Variants in GAS2 observed in about 807,000 individuals in gnomAD.
GAS2 encodes growth arrest-specific protein 2.
Under a neutral mutation model 37.5 loss-of-function variants are expected in GAS2, and 20 were observed. The ratio of observed to expected loss-of-function variants is 0.53; its 90% confidence interval spans 0.37 to 0.77. The LOEUF (loss-of-function observed/expected upper bound fraction) is 0.77, where lower values mean the gene tolerates loss of function less well. Among genes scored for constraint, GAS2 ranks in the 30% least tolerant of loss-of-function variants. The pLI is 0.00. For missense variants in GAS2, 336 were observed against 373.4 expected, an observed-to-expected ratio of 0.90 and a Z score of 0.82; for synonymous variants, 144 against 132.2, an observed-to-expected ratio of 1.09 and a Z score of -0.61.
At chr11:22,779,811 T>G (rs1309121806) in intron 7 of GAS2, among the ~76,000 whole-genome samples, 1 of 152,142 alleles carries the variant, frequency 6.6e-6, no homozygotes, top group East Asian at 1.9e-4. Flanking sequence ...TCATTTTAAT[T>G]TTTTTTAGTG....
intron 3 of GAS2, among the ~76,000 whole-genome samples, chr11:22,707,103 G>C (rs759607900): frequency 1.3e-5 from 2 of 152,188 alleles, no homozygotes; most frequent in Admixed American, 6.6e-5. Flanking sequence ...ATTGAGACCA[G>C]GTGGACTTGG....
chr11:22,809,956 C>G (rs1411041389), intron 7 of GAS2, among the ~76,000 whole-genome samples: 1 of 152,024 alleles, frequency 6.6e-6, no homozygotes, highest in Non-Finnish European at 1.5e-5. Flanking sequence ...TGAGTATGTT[C>G]TGATGCTAAA....
At chr11:22,727,494 G>A (rs1852272118) in intron 4 of GAS2, among the ~76,000 whole-genome samples, 1 of 151,978 alleles carries the variant, frequency 6.6e-6, no homozygotes, top group Non-Finnish European at 1.5e-5. Context: ...TGTGCTTAAG[G>A]AAATCTGTAT....
chr11:22,790,211 T>A (rs1190037604), intron 7 of GAS2, among the ~76,000 whole-genome samples: 1 of 152,138 alleles, frequency 6.6e-6, no homozygotes, highest in South Asian at 2.1e-4. Context: ...GAGAGAAGGA[T>A]TCTAACATCC....
chr11:22,782,524 A>G (rs983187079), intron 7 of GAS2, among the ~76,000 whole-genome samples: 5 of 152,004 alleles, frequency 3.3e-5, no homozygotes, highest in African/African-American at 1.2e-4. Context: ...TAGTAAGCAT[A>G]GTATCCAACA....
In GAS2 at chr11:22,801,832, G is replaced by A. The variant is rs557697232; in HGVS notation, c.724-9966G>A. Among the ~76,000 whole-genome samples the A allele has an allele frequency of 2.6e-5, 4 of 152,130 alleles. No homozygotes were observed. The South Asian group carries it at 8.3e-4, about 32-fold the overall frequency. On this transcript the variant is annotated intron_variant, in intron 7 of 7. Transcript: ENST00000454584. ...TCGTAGATTACTTGGCACATAGTAAGCACTCTACTATTGTATGACTCTATG... is the reference window on the plus strand; with the variant it reads ...TCGTAGATTACTTGGCACATAGTAAACACTCTACTATTGTATGACTCTATG...
chr11:22,738,112 C>T (rs571105070), intron 5 of GAS2, among the ~76,000 whole-genome samples: 1 of 152,056 alleles, frequency 6.6e-6, no homozygotes, highest in South Asian at 2.1e-4. Flanking sequence ...TTCTATCTTC[C>T]TCCTCCTTCA....
chr11:22,750,009 G>A (rs1290975450), intron 6 of GAS2, among the ~76,000 whole-genome samples: 1 of 152,030 alleles, frequency 6.6e-6, no homozygotes, highest in Non-Finnish European at 1.5e-5. Context: ...TATATTTTAA[G>A]TGCAAATATA....
intron 5 of GAS2, among the ~76,000 whole-genome samples, chr11:22,748,715 T>C (rs1317218219): frequency 6.6e-6 from 1 of 152,138 alleles, no homozygotes; most frequent in Non-Finnish European, 1.5e-5. Flanking sequence ...AACTTGAGTC[T>C]GACCCTCTGG....
At chr11:22,721,306 C>T (rs971757794) in intron 3 of GAS2, among the ~76,000 whole-genome samples, 2 of 151,994 alleles carry the variant, frequency 1.3e-5, no homozygotes, top group Non-Finnish European at 2.9e-5. Context: ...AAATAAGATC[C>T]GGTTCTCCAG....
At chr11:22,666,092 A>G (rs1848980374), upstream of GAS2, among the ~76,000 whole-genome samples, 1 of 152,250 alleles carries the variant, frequency 6.6e-6, no homozygotes, top group Non-Finnish European at 1.5e-5. Flanking sequence ...ACTTCATGGA[A>G]GACGTTTCAT....
At chr11:22,645,072 C>G (rs1471362936) in intron 1 of GAS2, among the ~76,000 whole-genome samples, 3 of 152,184 alleles carry the variant, frequency 2.0e-5, no homozygotes, top group Non-Finnish European at 4.4e-5. Flanking sequence ...ATGGTTGTAC[C>G]TGGATCCATT....
At chr11:22,654,283 A>T (rs1434620146) in intron 1 of GAS2, among the ~76,000 whole-genome samples, 1 of 152,206 alleles carries the variant, frequency 6.6e-6, no homozygotes, top group African/African-American at 2.4e-5. Context: ...GGTCATTATC[A>T]CTTAATGGTA....
intron 3 of GAS2, among the ~76,000 whole-genome samples, chr11:22,707,607 G>C (rs945162546): frequency 2.0e-5 from 3 of 152,132 alleles, no homozygotes; most frequent in African/African-American, 7.2e-5. Flanking sequence ...GTCAGCAGTG[G>C]AATTTAAATT....
Position 22,647,180 on chromosome 11 carries a change from G to T in GAS2, c.-21+21367G>T, listed in dbSNP as rs1428803778. The stretch of plus-strand genomic sequence containing the variant: ...GAGTGAGAATATGCAGTGTTTGGTT[G>T]TTTGTTCTTGCGATAGTTTACTGAG... On this transcript the variant is annotated intron_variant, in intron 1 of 5. Transcript: ENST00000528582. Among the ~76,000 whole-genome samples, 5 of 148,170 alleles carry T rather than the reference G, an allele frequency of 3.4e-5. No individual in the cohort carries two copies. The East Asian group carries it at 6.1e-4, about 18-fold the overall frequency.
At chr11:22,691,623 C>T (rs556670494) in intron 3 of GAS2, among the ~76,000 whole-genome samples, 2 of 151,882 alleles carry the variant, frequency 1.3e-5, no homozygotes, top group Non-Finnish European at 2.9e-5. Flanking sequence ...AAACATAATG[C>T]TAGAATTAAA....
intron 2 of GAS2, among the ~76,000 whole-genome samples, chr11:22,678,447 ATC>A (rs1174376707): frequency 1.3e-5 from 2 of 152,076 alleles, no homozygotes; most frequent in African/African-American, 4.8e-5. Context: ...CTTGCTTTTT[ATC>A]TACTTGAAAG....
At chr11:22,656,569 G>A (rs541505140) in intron 1 of GAS2, among the ~76,000 whole-genome samples, 1 of 152,268 alleles carries the variant, frequency 6.6e-6, no homozygotes, top group East Asian at 1.9e-4. Flanking sequence ...AAACTTAAAA[G>A]CATCTAGAAG....
intron 1 of GAS2, among the ~76,000 whole-genome samples, chr11:22,638,724 T>C (rs1459965078): frequency 6.6e-6 from 1 of 152,158 alleles, no homozygotes; most frequent in Non-Finnish European, 1.5e-5. Context: ...TATTCTGATG[T>C]TTTATTTTTA....
Sources: gnomAD v4.1 joint callset for allele counts (sites outside exome capture counted in the v4.1 genomes callset) on GRCh38, gnomAD v4.1.1 for gene constraint, MANE v1.5 for transcripts, NCBI Gene and HGNC (gene_info 2026-07-23, HGNC 2026-07-21) for gene names.